Variants in SPARC observed in about 807,000 individuals in gnomAD.
SPARC encodes the protein secreted protein acidic and cysteine rich, also known as basement-membrane protein 40.
A neutral mutation model predicts 37.7 loss-of-function variants in SPARC; 23 were observed. That is an observed-to-expected ratio of 0.61 (90% CI 0.44 to 0.87). The LOEUF is 0.87. Among genes scored for constraint, SPARC ranks in the 40% least tolerant of loss-of-function variants. The pLI, the probability that SPARC is intolerant of heterozygous loss-of-function variation, is 0.00. For synonymous variants in SPARC, 155 were observed against 150.8 expected, an observed-to-expected ratio of 1.03 and a Z score of -0.20; for missense variants, 312 against 389.0, an observed-to-expected ratio of 0.80 and a Z score of 1.66.
chr5:151,668,157 CTT>C (rs1215347332), intron 6 of SPARC, among the ~76,000 whole-genome samples: 4 of 90,478 alleles, frequency 4.4e-5, no homozygotes, highest in South Asian at 3.5e-4. Context: ...TTTTTTTCTT[CTT>C]TTTTTTTTTT....
intron 1 of SPARC, among the ~76,000 whole-genome samples, chr5:151,682,259 T>TCAG (rs1761011733): frequency 6.6e-6 from 1 of 152,168 alleles, no homozygotes; most frequent in South Asian, 2.1e-4. Context: ...GGGGCTGGAA[T>TCAG]CAGCCCGAGA....
Position 151,663,322 on chromosome 5 carries a change from G to A in SPARC, c.*249C>T, listed in dbSNP as rs1048683652. On this transcript the variant is annotated 3_prime_UTR_variant, in exon 10 of 10. Coordinates refer to ENST00000231061, the MANE Select transcript of SPARC (RefSeq NM_003118.4). The stretch of plus-strand genomic sequence containing the variant: ...ATGTGCCAATAAGACAATGGGCAAA[G>A]CTACAAATGGCAAGAGAAAAATGGG... 30 of 522,622 alleles carry A rather than the reference G, an allele frequency of 5.7e-5. No homozygotes were observed. The highest frequency in any genetic ancestry group is 1.0e-3 in the Middle Eastern group (2 of 1,992). The allele number at this position is 522,622 out of a possible 1,614,324, so 32.4% of individuals were successfully genotyped here. A position where few individuals can be genotyped will look rare whatever the true frequency, so the allele number is the denominator to read the frequency against.
intron 1 of SPARC, among the ~76,000 whole-genome samples, chr5:151,681,926 A>C (rs1761002451): frequency 6.6e-6 from 1 of 152,160 alleles, no homozygotes; most frequent in African/African-American, 2.4e-5. Context: ...AGCAGATAAA[A>C]GTGGAGTGGA....
intron 8 of SPARC, among the ~76,000 whole-genome samples, chr5:151,664,639 A>G (rs1229607849): frequency 6.6e-6 from 1 of 152,206 alleles, no homozygotes; most frequent in African/African-American, 2.4e-5. Context: ...CTAGCATGAC[A>G]CAGCACTGTA....
intron 1 of SPARC, among the ~76,000 whole-genome samples, chr5:151,678,568 C>G (rs2113111040): frequency 6.6e-6 from 1 of 152,318 alleles, no homozygotes; most frequent in East Asian, 1.9e-4. Context: ...CTTAGTCCCA[C>G]TGTCCTAATG....
rs373654699 is a variant in SPARC at position 151,666,434 on chromosome 5, C to T, written c.661G>A (p.Glu221Lys). ...AAGATGTACATGTTATAGTTCTTCT[C>T]GAAGTCCCGGGCCAGCAGCTCCACG... ...HPVELLARDF[E>K]KNYNMYIFPV... The change falls in exon 8 of 10, where the codon GAG (glutamate) becomes AAG (lysine). Residue 221 changes from glutamate to lysine, a missense_variant. Physicochemically the swap from Glu to Lys is moderately conservative, Grantham distance 56. Coordinates refer to ENST00000231061, the MANE Select transcript of SPARC (RefSeq NM_003118.4). 1.7e-5 allele frequency: 27 copies of T among 1,614,102 alleles called. No individual in the cohort carries two copies. Among genetic ancestry groups the T allele is most frequent in the East Asian group, 8.9e-5 (4 of 44,898 alleles).
chr5:151,673,098 G>T (rs1978707), intron 4 of SPARC, 31 bp downstream of exon 4: 1 of 1,536,160 alleles, frequency 6.5e-7, no homozygotes, highest in Non-Finnish European at 9.0e-7. Context: ...AGGGCAGCTT[G>T]GATGTGCCAA....
intron 1 of SPARC, chr5:151,686,509 G>C (rs979668935): frequency 2.0e-5 from 3 of 152,264 alleles, no homozygotes; most frequent in African/African-American, 7.2e-5. Flanking sequence ...TCCCAGGAAA[G>C]GAGGAGGCTG....
chr5:151,672,245 A>G (rs1039258107), intron 4 of SPARC, among the ~76,000 whole-genome samples: 2 of 152,196 alleles, frequency 1.3e-5, no homozygotes, highest in Non-Finnish European at 2.9e-5. Context: ...GACTCAGTAG[A>G]TGTCCCTCTG....
chr5:151,671,828 T>C, intron 4 of SPARC, 134 bp from the exon 5 acceptor site: 1 of 1,111,080 alleles, frequency 9.0e-7, no homozygotes, highest in Non-Finnish European at 1.3e-6. Context: ...CCCTGAGTCC[T>C]GCCTGCTCTT....
At chr5:151,679,192 T>C (rs1760927780) in intron 1 of SPARC, 1 of 152,274 alleles carries the variant, frequency 6.6e-6, no homozygotes, top group Non-Finnish European at 1.5e-5. Flanking sequence ...CTTTAGTCTG[T>C]GATGATGCAT....
chr5:151,672,337 C>T (rs768462507), intron 4 of SPARC, among the ~76,000 whole-genome samples: 9 of 152,166 alleles, frequency 5.9e-5, no homozygotes, highest in Non-Finnish European at 1.2e-4. Flanking sequence ...GCCTTTTCCT[C>T]GCAATGCTTT....
chr5:151,664,971 C>T (rs1245581936), intron 8 of SPARC, among the ~76,000 whole-genome samples: 1 of 152,186 alleles, frequency 6.6e-6, no homozygotes, highest in African/African-American at 2.4e-5. Context: ...TAAAGATCCA[C>T]AAAGGATCTC....
rs1387839983 is a variant in SPARC, at chr5:151,676,168, AAAG to A, written c.18_20del (p.Phe7del). The A allele has an allele frequency of 6.2e-7, 1 of 1,612,382 alleles. No homozygotes were observed. The highest frequency in any genetic ancestry group is 8.5e-7 in the Non-Finnish European group (1 of 1,179,452). On this transcript the variant is annotated inframe_deletion, in exon 2 of 10. Transcript: ENST00000231061. ...AGGCCCTCCCGGCCAGGCAAAGGAGAAAGAAGATCCAGGCCCTCATGGTGCTGG... is the reference window on the plus strand; with the variant it reads ...AGGCCCTCCCGGCCAGGCAAAGGAGAAAGATCCAGGCCCTCATGGTGCTGG...
At chr5:151,664,590 A>T (rs2113082302) in intron 8 of SPARC, among the ~76,000 whole-genome samples, 1 of 152,326 alleles carries the variant, frequency 6.6e-6, no homozygotes, top group East Asian at 1.9e-4. Context: ...AGAAACTTAA[A>T]ATCAAAATTC....
At chr5:151,667,085 C>T (rs1209352806) in intron 7 of SPARC, among the ~76,000 whole-genome samples, 1 of 152,194 alleles carries the variant, frequency 6.6e-6, no homozygotes, top group East Asian at 1.9e-4. Flanking sequence ...CTGGGCCTTG[C>T]TTTCTAGAGA....
At chr5:151,679,332 C>T (rs17718347) in intron 1 of SPARC, 95,077 of 152,136 alleles carry the variant, frequency 0.62, 30,515 homozygotes, top group East Asian at 0.99. Flanking sequence ...CAACGGCTAA[C>T]AGCAGTGAGT....
At chr5:151,663,670 G>T in intron 9 of SPARC, 71 bp from the exon 10 acceptor site, 1 of 1,478,016 alleles carries the variant, frequency 6.8e-7, no homozygotes, top group East Asian at 2.3e-5. Flanking sequence ...CAAGGAGTCA[G>T]TGGACTCCCA....
chr5:151,670,024 C>G (rs1007523615), intron 5 of SPARC, among the ~76,000 whole-genome samples: 4 of 152,024 alleles, frequency 2.6e-5, no homozygotes, highest in African/African-American at 9.7e-5. Context: ...ATGACTGAGT[C>G]AGTTCTGAGA....
Sources: gnomAD v4.1 joint callset for allele counts (sites outside exome capture counted in the v4.1 genomes callset) on GRCh38, gnomAD v4.1.1 for gene constraint, MANE v1.5 for transcripts, NCBI Gene and HGNC (gene_info 2026-07-23, HGNC 2026-07-21) for gene names.